The following RREB1 variants were observed in gnomAD, a reference collection of about 807,000 sequenced individuals.
RREB1 encodes the protein ras responsive element binding protein 1.
In RREB1, 27 loss-of-function variants were observed where a neutral mutation model predicts 117.8. The ratio of observed to expected loss-of-function variants is 0.23; its 90% CI spans 0.17 to 0.32. RREB1 has a LOEUF of 0.32. RREB1 is among the 10% of genes least tolerant of loss of function. The probability of loss-of-function intolerance (pLI) is 1.00; values close to 1 mark genes in which losing one functional copy is unlikely to be tolerated. For missense variants in RREB1, 2,577 were observed against 2,378.2 expected, an observed-to-expected ratio of 1.08 and a Z score of -1.74; for synonymous variants, 1,298 against 1,026.7, an observed-to-expected ratio of 1.26 and a Z score of -5.05.
chr6:7,232,543 C>G (rs12526848), intron 10 of RREB1, among the ~76,000 whole-genome samples: 9,520 of 152,120 alleles, frequency 0.063, 440 homozygotes, highest in Non-Finnish European at 0.093. Flanking sequence ...AATTGTAAGC[C>G]TTTCTGAGAA....
chr6:7,164,940 A>G (rs117020343), intron 1 of RREB1, among the ~76,000 whole-genome samples: 1,754 of 152,356 alleles, frequency 0.012, 53 homozygotes, highest in Admixed American at 0.057. Context: ...AGTGTAAACT[A>G]CATTTAACTT....
chr6:7,122,319 C>A (rs966983319), intron 1 of RREB1, among the ~76,000 whole-genome samples: 2 of 152,014 alleles, frequency 1.3e-5, no homozygotes, highest in Admixed American at 1.3e-4. Context: ...ATACTGGAGT[C>A]CAGTGTTGTG....
rs972284027 is a variant in RREB1, at chr6:7,236,373, C to T, written c.3809-4065C>T. Among the ~76,000 whole-genome samples, 5 of 152,314 alleles carry T rather than the reference C, an allele frequency of 3.3e-5. No homozygotes were observed. In the East Asian group the frequency reaches 9.6e-4, roughly 29 times the overall value. ...CCGGCTCAGGCTTTCCCCCCACACCCTTTCCTCCCTGCTTCTATCTGGCAG... is the reference window on the plus strand; with the variant it reads ...CCGGCTCAGGCTTTCCCCCCACACCTTTTCCTCCCTGCTTCTATCTGGCAG... On this transcript the variant is annotated intron_variant, in intron 10 of 12. Transcript: ENST00000379938.
chr6:7,226,762 G>T (rs1767611066), intron 9 of RREB1, 106 bp downstream of exon 9: 4 of 877,234 alleles, frequency 4.6e-6, no homozygotes, highest in Non-Finnish European at 1.8e-6. Context: ...TAAAATGTCG[G>T]TTGGGCTTTG....
At position 7,231,448 on chromosome 6, in the gene RREB1, C is replaced by A. The variant is rs754603965; in HGVS notation, c.3349C>A (p.Pro1117Thr). 8 of 1,613,122 alleles carry A rather than the reference C, an allele frequency of 5.0e-6. No homozygotes were observed. The highest frequency in any genetic ancestry group is 2.2e-5 in the East Asian group (1 of 44,852). ...CCCCAAAGCCGCCACCACCGCCACCCCCGCTGCCACCACCAGCCCAAAAGA... is the reference window on the plus strand; with the variant it reads ...CCCCAAAGCCGCCACCACCGCCACCACCGCTGCCACCACCAGCCCAAAAGA... ...SVPKAATTAT[P>T]AATTSPKESS... Residue 1117 changes from proline (P) to threonine (T), a missense_variant, in exon 10 of 13, where the codon CCC (proline) becomes ACC (threonine). Coordinates refer to ENST00000379938, the MANE Select transcript of RREB1 (RefSeq NM_001003699.4).
At chr6:7,166,644 C>G (rs1314224284) in intron 1 of RREB1, among the ~76,000 whole-genome samples, 1 of 152,226 alleles carries the variant, frequency 6.6e-6, no homozygotes, top group Admixed American at 6.5e-5. Context: ...CCTCCTTCCA[C>G]TGCCTTCTCT....
At chr6:7,166,105 G>T (rs1243331255) in intron 1 of RREB1, among the ~76,000 whole-genome samples, 2 of 152,090 alleles carry the variant, frequency 1.3e-5, no homozygotes, top group Admixed American at 6.5e-5. Context: ...ACTAATCACC[G>T]CCTGGAGAGC....
chr6:7,191,038 T>C (rs1258433951), intron 6 of RREB1, among the ~76,000 whole-genome samples: 1 of 152,198 alleles, frequency 6.6e-6, no homozygotes. Context: ...GCCCAATCAC[T>C]CCTGATTCAG....
At chr6:7,126,146 T>C (rs560069475) in intron 1 of RREB1, among the ~76,000 whole-genome samples, 6 of 148,524 alleles carry the variant, frequency 4.0e-5, no homozygotes, top group South Asian at 2.1e-4. Context: ...GGATTACAGG[T>C]GCGCACCACC....
Position 7,174,151 on chromosome 6 carries a change from C to CTTT in RREB1, c.-284-2489_-284-2487dup, listed in dbSNP as rs59106767. Among the ~76,000 whole-genome samples, 818 of 131,048 alleles carry CTTT rather than the reference C, an allele frequency of 6.2e-3. 8 individuals are homozygous for CTTT. Among genetic ancestry groups the CTTT allele is most frequent in the East Asian group, 0.022 (99 of 4,484 alleles). 86.0% of individuals were successfully genotyped at this position (131,048 alleles called of 152,430 possible). ...ATCTTTAGGGTGCTACTAGTCTTTC[C>CTTT]TTTTTTTTTTTTTTTTTCTGAAGCA... On this transcript the variant is annotated intron_variant, in intron 1 of 12. Transcript: ENST00000379938.
At chr6:7,187,632 G>A (rs756407549) in intron 5 of RREB1, 109 bp downstream of exon 5, 6 of 449,454 alleles carry the variant, frequency 1.3e-5, no homozygotes, top group Non-Finnish European at 2.1e-5. Flanking sequence ...GTAGAACAAG[G>A]AGTTAAACAC....
intron 1 of RREB1, among the ~76,000 whole-genome samples, chr6:7,130,855 T>C (rs960217951): frequency 4.0e-5 from 6 of 151,328 alleles, no homozygotes; most frequent in Admixed American, 1.3e-4. Context: ...GACCTCATGA[T>C]CCATCCACCT....
At chr6:7,247,323 G>A (rs1260509686) in intron 12 of RREB1, 102 bp downstream of exon 12, 7 of 1,011,536 alleles carry the variant, frequency 6.9e-6, no homozygotes, top group East Asian at 2.6e-5. Context: ...CCGAGAGAAC[G>A]TTTGCTTACG....
chr6:7,230,823 C>A lies in RREB1; in HGVS notation c.2724C>A (p.Ala908=), dbSNP rs1463493633. Residue 908 remains alanine, a synonymous_variant, in exon 10 of 13, where the codon GCC becomes GCA. Coordinates refer to ENST00000379938, the MANE Select transcript of RREB1 (RefSeq NM_001003699.4). ...EPLDFSQKGL[A]LVQVKQENIS... The stretch of plus-strand genomic sequence containing the variant: ...TGGACTTCTCGCAGAAGGGCCTGGC[C>A]CTGGTCCAAGTGAAGCAGGAAAACA... The A allele has an allele frequency of 1.9e-6, 3 of 1,614,242 alleles. 1 individual carries two copies.
At chr6:7,110,360 T>C (rs1485314538) in intron 1 of RREB1, among the ~76,000 whole-genome samples, 2 of 152,232 alleles carry the variant, frequency 1.3e-5, no homozygotes, top group African/African-American at 4.8e-5. Context: ...TAAAACCTCT[T>C]TGAAAAACAA....
chr6:7,228,044 C>T (rs1350719581), intron 9 of RREB1, among the ~76,000 whole-genome samples: 1 of 152,224 alleles, frequency 6.6e-6, no homozygotes, highest in Non-Finnish European at 1.5e-5. Context: ...CAGAGCGAGA[C>T]TCAGTCTCAA....
At chr6:7,145,967 C>T (rs1037074669) in intron 1 of RREB1, among the ~76,000 whole-genome samples, 4 of 139,132 alleles carry the variant, frequency 2.9e-5, no homozygotes, top group Non-Finnish European at 6.1e-5. Flanking sequence ...CAGTGCCTTC[C>T]TCTCTCTTTC....
intron 1 of RREB1, among the ~76,000 whole-genome samples, chr6:7,172,590 G>T (rs1764268990): frequency 6.6e-6 from 1 of 152,122 alleles, no homozygotes. Flanking sequence ...AGGAAGAGAA[G>T]ATCAGAGTTG....
At chr6:7,120,103 C>T (rs908409033) in intron 1 of RREB1, among the ~76,000 whole-genome samples, 2 of 148,704 alleles carry the variant, frequency 1.3e-5, no homozygotes, top group Non-Finnish European at 3.0e-5. Context: ...CCCCACCCCC[C>T]GCCCGCCTTT....
Sources: gnomAD v4.1 joint callset for allele counts (sites outside exome capture counted in the v4.1 genomes callset) on GRCh38, gnomAD v4.1.1 for gene constraint, MANE v1.5 for transcripts, NCBI Gene and HGNC (gene_info 2026-07-23, HGNC 2026-07-21) for gene names.